The following GALNT18 variants were observed in gnomAD, a reference collection of about 807,000 sequenced individuals.
The protein encoded by GALNT18 is polypeptide N-acetylgalactosaminyltransferase 18, also known as GalNAc-transferase 18.
GALNT18 carries 44 observed loss-of-function variants against 69.5 expected under a neutral mutation model. That is an observed-to-expected ratio of 0.63 (90% CI 0.50 to 0.81). The LOEUF (loss-of-function observed/expected upper bound fraction) is 0.81, where lower values mean the gene tolerates loss of function less well. Among genes scored for constraint, GALNT18 ranks in the 40% least tolerant of loss-of-function variants. The pLI is 0.00. For missense variants in GALNT18, 715 were observed against 810.0 expected (o/e 0.88, Z 1.42); for synonymous variants, 364 against 318.2 (o/e 1.14, Z -1.53).
rs1057198082 is a variant in GALNT18, at chr11:11,500,696, G to A, written c.236-51760C>T. Among the ~76,000 whole-genome samples the A allele has an allele frequency of 2.0e-5, 3 of 152,186 alleles. No individual in the cohort carries two copies. The highest frequency in any genetic ancestry group is 1.3e-4 in the Admixed American group (2 of 15,278). On this transcript the variant is annotated intron_variant, in intron 1 of 10. Transcript: ENST00000227756. The surrounding 1 kb of genome is among the most constrained non-coding windows in gnomAD (Gnocchi z 5.0). ...CACAGCACAGAGTCAGCCTCAGCAC[G>A]TTTTAGCACCCACAACCCCTCCTCT...
intron 1 of GALNT18, among the ~76,000 whole-genome samples, chr11:11,576,845 C>T (rs1858937213): frequency 6.6e-6 from 1 of 152,242 alleles, no homozygotes; most frequent in Non-Finnish European, 1.5e-5. Context: ...AAATTTCTCT[C>T]CTTTGGCCAT....
At position 11,454,827 on chromosome 11, in the gene GALNT18, A is replaced by G. The variant is rs565460590; in HGVS notation, c.236-5891T>C. 6.6e-6 allele frequency among the ~76,000 whole-genome samples: 1 copy of G among 152,150 alleles called. No individual in the cohort carries two copies. Among genetic ancestry groups the G allele is most frequent in the African/African-American group, 2.4e-5 (1 of 41,422 alleles). Reference sequence around the variant, plus strand: ...AGTCTCCTCAGTCTCCAAGGTGCTCATTACAGAAATCCTCACCATCAAGCC... The same window carrying G: ...AGTCTCCTCAGTCTCCAAGGTGCTCGTTACAGAAATCCTCACCATCAAGCC... On this transcript the variant is annotated intron_variant, in intron 1 of 10. Transcript: ENST00000227756. This position sits in a 1 kb window ranked among gnomAD's most constrained non-coding sequence, Gnocchi z 4.2.
Position 11,616,297 on chromosome 11 carries a change from T to C in GALNT18, c.235+5062A>G, listed in dbSNP as rs1473496437. 6.6e-6 allele frequency among the ~76,000 whole-genome samples: 1 copy of C among 152,022 alleles called. No homozygotes were observed. On this transcript the variant is annotated intron_variant, in intron 1 of 10. Transcript: ENST00000227756. This position sits in a 1 kb window ranked among gnomAD's most constrained non-coding sequence, Gnocchi z 4.4. ...CAGGGATTACATTTACTCGGAAAAA[T>C]TTGAATGATAACACCCAATGCTGGC... is the stretch of plus-strand genomic sequence containing the variant.
At position 11,614,262 on chromosome 11, in the gene GALNT18, G is replaced by A. The variant is rs954693446; in HGVS notation, c.235+7097C>T. ...TGCTAGGCTCCTGGGGAGACTCCAG[G>A]AAGCTTACAATCACAGCAGAAGGTA... On this transcript the variant is annotated intron_variant, in intron 1 of 10. Transcript: ENST00000227756. This position sits in a 1 kb window ranked among gnomAD's most constrained non-coding sequence, Gnocchi z 5.6. Among the ~76,000 whole-genome samples the A allele has an allele frequency of 2.0e-5, 3 of 152,012 alleles. No individual in the cohort carries two copies. Among genetic ancestry groups the A allele is most frequent in the African/African-American group, 7.3e-5 (3 of 41,376 alleles).
At position 11,497,020 on chromosome 11, in the gene GALNT18, C is replaced by T. The variant is rs150748891; in HGVS notation, c.236-48084G>A. On this transcript the variant is annotated intron_variant, in intron 1 of 10. Coordinates refer to ENST00000227756, the MANE Select transcript of GALNT18 (RefSeq NM_198516.3). This position sits in a 1 kb window ranked among gnomAD's most constrained non-coding sequence, Gnocchi z 4.2. ...CATCGGTCCTGCTCATCCCATCCTTCTCTTGCTCACTCTGCTAGAGCCACA... is the reference window on the plus strand; with the variant it reads ...CATCGGTCCTGCTCATCCCATCCTTTTCTTGCTCACTCTGCTAGAGCCACA... Among the ~76,000 whole-genome samples the T allele has an allele frequency of 3.1e-4, 47 of 152,318 alleles. No individual in the cohort carries two copies. Among genetic ancestry groups the T allele is most frequent in the Non-Finnish European group, 5.7e-4 (39 of 68,034 alleles).
At chr11:11,577,705 A>T (rs1372758574) in intron 1 of GALNT18, among the ~76,000 whole-genome samples, 1 of 152,318 alleles carries the variant, frequency 6.6e-6, no homozygotes, top group East Asian at 1.9e-4. Context: ...GGAAAGAGGG[A>T]AGCTCTCATC....
intron 1 of GALNT18, among the ~76,000 whole-genome samples, chr11:11,473,653 A>G (rs149837838): frequency 1.4e-5 from 2 of 143,992 alleles, no homozygotes; most frequent in Non-Finnish European, 1.6e-5. Context: ...TTGCAAAGCC[A>G]AAGTGTGTAT....
At chr11:11,361,266 T>G (rs1476488998) in intron 6 of GALNT18, among the ~76,000 whole-genome samples, 1 of 152,238 alleles carries the variant, frequency 6.6e-6, no homozygotes, top group Non-Finnish European at 1.5e-5. Context: ...CATAAATGGC[T>G]TCTGAAGCCA....
rs1045836720 is a variant in GALNT18, at chr11:11,564,861, C to G, written c.235+56498G>C. On this transcript the variant is annotated intron_variant, in intron 1 of 10. Transcript: ENST00000227756. This position sits in a 1 kb window ranked among gnomAD's most constrained non-coding sequence, Gnocchi z 4.3. ...CTACATTTCAAGTGTTCATAAGTGG[C>G]CTGTGTCTGCTCGATACCATAGTGA... is the stretch of plus-strand genomic sequence containing the variant. 6.6e-6 allele frequency among the ~76,000 whole-genome samples: 1 copy of G among 152,164 alleles called. No individual in the cohort carries two copies. Among genetic ancestry groups the G allele is most frequent in the African/African-American group, 2.4e-5 (1 of 41,428 alleles).
chr11:11,327,007 T>A, intron 9 of GALNT18, 79 bp downstream of exon 9: 3 of 1,070,326 alleles, frequency 2.8e-6, no homozygotes, highest in Non-Finnish European at 2.9e-6. Flanking sequence ...TCCTTCCCCA[T>A]GACAGAGCCT....
chr11:11,273,664 C>CTG (rs1848873968), intron 10 of GALNT18, among the ~76,000 whole-genome samples: 1 of 152,154 alleles, frequency 6.6e-6, no homozygotes, highest in Non-Finnish European at 1.5e-5. Context: ...AATAAAACTA[C>CTG]TGTATAATCT....
At chr11:11,515,893 G>T (rs1857263070) in intron 1 of GALNT18, among the ~76,000 whole-genome samples, 1 of 152,192 alleles carries the variant, frequency 6.6e-6, no homozygotes, top group African/African-American at 2.4e-5. Context: ...AGGAGAGGTG[G>T]GTCCCTCAAC....
rs111784919 is a variant in GALNT18, at chr11:11,350,775, G to A, written c.1093-9771C>T. Among the ~76,000 whole-genome samples the A allele has an allele frequency of 3.5e-3, 529 of 152,306 alleles. 3 individuals are homozygous for A. The highest frequency in any genetic ancestry group is 0.012 in the African/African-American group (517 of 41,574). The stretch of plus-strand genomic sequence containing the variant: ...CACCATCTGCTGGATGTTTAAGCCA[G>A]GGTGAACTTGAAGTTCAAAGATGCT... On this transcript the variant is annotated intron_variant, in intron 6 of 10. Coordinates refer to ENST00000227756, the MANE Select transcript of GALNT18 (RefSeq NM_198516.3).
intron 1 of GALNT18, among the ~76,000 whole-genome samples, chr11:11,488,232 G>A (rs189889385): frequency 2.6e-4 from 39 of 152,248 alleles, no homozygotes; most frequent in African/African-American, 8.2e-4. Flanking sequence ...AAAATCAAAG[G>A]GTCAGCAGGG....
intron 1 of GALNT18, among the ~76,000 whole-genome samples, chr11:11,509,887 G>A (rs999425359): frequency 6.6e-6 from 1 of 152,218 alleles, no homozygotes; most frequent in African/African-American, 2.4e-5. Context: ...CCCTTCTTTG[G>A]CTATATCTGG....
At chr11:11,451,766 T>A (rs557707929) in intron 1 of GALNT18, among the ~76,000 whole-genome samples, 1 of 152,304 alleles carries the variant, frequency 6.6e-6, no homozygotes, top group Admixed American at 6.5e-5. Flanking sequence ...CATCAGTTAA[T>A]AAGTAACCCA....
chr11:11,271,557 C>G (rs888645591), intron 10 of GALNT18, among the ~76,000 whole-genome samples: 13 of 152,208 alleles, frequency 8.5e-5, no homozygotes, highest in South Asian at 2.1e-4. Context: ...TTCTGTCTAC[C>G]TAGCTGGGCT....
In GALNT18 at chr11:11,356,525, C is replaced by T. The variant is rs1181510694; in HGVS notation, c.1093-15521G>A. ...TTTTTCCAAAATTCAGGAAATTAAACATTGATACATGACTATTATCAAATC... is the reference window on the plus strand; with the variant it reads ...TTTTTCCAAAATTCAGGAAATTAAATATTGATACATGACTATTATCAAATC... On this transcript the variant is annotated intron_variant, in intron 6 of 10. Coordinates refer to ENST00000227756, the MANE Select transcript of GALNT18 (RefSeq NM_198516.3). This position sits in a 1 kb window ranked among gnomAD's most constrained non-coding sequence, Gnocchi z 4.4. Among the ~76,000 whole-genome samples, 3 of 152,158 alleles carry T rather than the reference C, an allele frequency of 2.0e-5. No homozygotes were observed. The highest frequency in any genetic ancestry group is 4.4e-5 in the Non-Finnish European group (3 of 68,044).
At chr11:11,346,604 T>C (rs1298603226) in intron 6 of GALNT18, among the ~76,000 whole-genome samples, 2 of 152,220 alleles carry the variant, frequency 1.3e-5, no homozygotes, top group South Asian at 2.1e-4. Context: ...CAGCTTCCTC[T>C]TGTGGAACCA....
Sources: allele counts gnomAD v4.1 joint callset (sites outside exome capture counted in the v4.1 genomes callset), GRCh38; gene constraint gnomAD v4.1.1; non-coding constraint Gnocchi (gnomAD v3.1); transcripts MANE v1.5; gene names NCBI Gene and HGNC (gene_info 2026-07-23, HGNC 2026-07-21).